QSOX1: variants seen among roughly 807,000 people sequenced by gnomAD.
QSOX1 encodes the protein sulfhydryl oxidase 1.
A neutral mutation model predicts 76.1 loss-of-function variants in QSOX1; 40 were observed. The observed-to-expected ratio is 0.53, with a 90% confidence interval of 0.41 to 0.68. The LOEUF (loss-of-function observed/expected upper bound fraction) is 0.68, where lower values mean the gene tolerates loss of function less well. Ranked by LOEUF, QSOX1 falls within the 30% of genes least tolerant of loss-of-function variation. The pLI is 0.00. For missense variants in QSOX1, 931 were observed against 974.3 expected (o/e 0.96, Z 0.59); for synonymous variants, 392 against 413.1 (o/e 0.95, Z 0.62).
In QSOX1 at chr1:180,197,544, C is replaced by T; in HGVS notation, c.*507C>T. On this transcript the variant is annotated 3_prime_UTR_variant, in exon 12 of 12. Transcript: ENST00000367602. ...CCTGGGAGGAAGGACCACCCCGGGC[C>T]CTCTATGCCTGGCCAGCCTCCAGCT... is the stretch of plus-strand genomic sequence containing the variant. 1.4e-6 allele frequency: 1 copy of T among 736,794 alleles called. No individual in the cohort carries two copies. The highest frequency in any genetic ancestry group is 2.8e-5 in the Admixed American group (1 of 35,104). 45.6% of individuals were successfully genotyped at this position (736,794 alleles called of 1,614,324 possible).
At chr1:180,168,024 C>T (rs1436110419) in intron 2 of QSOX1, among the ~76,000 whole-genome samples, 2 of 152,222 alleles carry the variant, frequency 1.3e-5, no homozygotes, top group African/African-American at 4.8e-5. Flanking sequence ...CACTGCCCAG[C>T]CCCCAGGGGA....
At chr1:180,185,902 C>A in intron 7 of QSOX1, 151 bp from the exon 8 acceptor site, 1 of 932,724 alleles carries the variant, frequency 1.1e-6, no homozygotes, top group Non-Finnish European at 1.7e-6. Context: ...TCACACAGCA[C>A]ATTTCTGGCA....
chr1:180,197,983 G>A lies in QSOX1; in HGVS notation c.*946G>A, dbSNP rs1477577450. On this transcript the variant is annotated 3_prime_UTR_variant, in exon 12 of 12. Coordinates refer to ENST00000367602, the MANE Select transcript of QSOX1 (RefSeq NM_002826.5). ...TGCCTTACACATGCTTGATTCCCAC[G>A]CTACCCCCTGCCTTGGGAGGTGTGT... The A allele has an allele frequency of 4.5e-5, 16 of 357,874 alleles. No homozygotes were observed. The Admixed American group carries it at 4.6e-4, about 10-fold the overall frequency. 22.2% of individuals were successfully genotyped at this position (357,874 alleles called of 1,614,324 possible). A position where few individuals can be genotyped will look rare whatever the true frequency, so the allele number is the denominator to read the frequency against.
chr1:180,185,429 C>T (rs2149239748), intron 7 of QSOX1, among the ~76,000 whole-genome samples: 1 of 152,324 alleles, frequency 6.6e-6, no homozygotes, highest in Admixed American at 6.5e-5. Context: ...GGGCCTGGGG[C>T]CAGCATGGAG....
At position 180,171,584 on chromosome 1, in the gene QSOX1, A is replaced by G. The variant is rs76821858; in HGVS notation, c.367-3737A>G. On this transcript the variant is annotated intron_variant, in intron 2 of 11. Transcript: ENST00000367602. ...CATTGGCTTTGGCAAGGGAGAAATG[A>G]TAGGTTTGTTCATTGATCCCTTTAT... 7.5e-4 allele frequency among the ~76,000 whole-genome samples: 114 copies of G among 152,324 alleles called. 2 individuals are homozygous for G. The East Asian group carries it at 0.017, about 22-fold the overall frequency.
intron 2 of QSOX1, among the ~76,000 whole-genome samples, chr1:180,171,604 C>T (rs1194840461): frequency 6.6e-6 from 1 of 152,200 alleles, no homozygotes; most frequent in Non-Finnish European, 1.5e-5. Context: ...TCATTGATCC[C>T]TTTATCCACT....
chr1:180,179,072 C>G (rs1377421679), intron 5 of QSOX1, among the ~76,000 whole-genome samples, 188 bp downstream of exon 5: 4 of 152,248 alleles, frequency 2.6e-5, no homozygotes, highest in Non-Finnish European at 5.9e-5. Context: ...CAAAACCTTG[C>G]TGTTTATTCT....
chr1:180,197,641 C>A lies in QSOX1; in HGVS notation c.*604C>A, dbSNP rs747301067. 1.1e-4 allele frequency: 52 copies of A among 465,640 alleles called. No homozygotes were observed. The Admixed American group carries it at 1.1e-3, about 10-fold the overall frequency. The allele number at this position is 465,640 out of a possible 1,614,324, so 28.8% of individuals were successfully genotyped here. A position where few individuals can be genotyped will look rare whatever the true frequency, so the allele number is the denominator to read the frequency against. ...GCTTCTGGAAGTCGTGCTGGTCTCC[C>A]AGGTGAGGCAAGCCATGGTTGCTGG... On this transcript the variant is annotated 3_prime_UTR_variant, in exon 12 of 12. Coordinates refer to ENST00000367602, the MANE Select transcript of QSOX1 (RefSeq NM_002826.5).
At chr1:180,167,604 A>C (rs1042907051) in intron 2 of QSOX1, among the ~76,000 whole-genome samples, 1 of 152,148 alleles carries the variant, frequency 6.6e-6, no homozygotes, top group African/African-American at 2.4e-5. Context: ...CTGTTCCTCG[A>C]GCCCAGTGCA....
At chr1:180,169,520 G>A (rs1008318138) in intron 2 of QSOX1, among the ~76,000 whole-genome samples, 6 of 152,238 alleles carry the variant, frequency 3.9e-5, no homozygotes, top group Admixed American at 1.3e-4. Flanking sequence ...GTAAACATGG[G>A]ATGATAACAT....
At chr1:180,178,451 C>T (rs1276175579) in intron 4 of QSOX1, among the ~76,000 whole-genome samples, 2 of 152,226 alleles carry the variant, frequency 1.3e-5, no homozygotes, top group Non-Finnish European at 1.5e-5. Context: ...TGGTCTCGAA[C>T]TCCAGACCTC....
rs377467168 is a variant in QSOX1 at position 180,195,022 on chromosome 1, G to A, written c.1468+630G>A. ...GGGGGGGGGAGACCAGGGCGGAGCC[G>A]AGGTTAAAGGAGCTGAATGGAGCAG... On this transcript the variant is annotated intron_variant, in intron 11 of 11. Coordinates refer to ENST00000367602, the MANE Select transcript of QSOX1 (RefSeq NM_002826.5). 1.2e-3 allele frequency among the ~76,000 whole-genome samples: 175 copies of A among 152,088 alleles called. 1 individual carries two copies. The South Asian group carries it at 0.026, about 23-fold the overall frequency.
chr1:180,178,708 C>T, intron 4 of QSOX1, 86 bp from the exon 5 acceptor site: 1 of 1,229,724 alleles, frequency 8.1e-7, no homozygotes, highest in East Asian at 2.3e-5. Context: ...ACCTGCAGCA[C>T]TGCATCACCA....
intron 3 of QSOX1, 42 bp downstream of exon 3, chr1:180,175,408 C>T (rs752471580): frequency 6.9e-6 from 11 of 1,593,868 alleles, no homozygotes; most frequent in Non-Finnish European, 9.5e-6. Flanking sequence ...ATCTTCCTCC[C>T]CCAACCTCCC....
At chr1:180,167,823 A>G (rs953849892) in intron 2 of QSOX1, among the ~76,000 whole-genome samples, 1 of 152,262 alleles carries the variant, frequency 6.6e-6, no homozygotes, top group Admixed American at 6.5e-5. Flanking sequence ...CCTTCCTGGC[A>G]GGGACATGGT....
intron 2 of QSOX1, among the ~76,000 whole-genome samples, chr1:180,174,756 A>AC (rs2149235256): frequency 6.6e-6 from 1 of 152,272 alleles, no homozygotes; most frequent in East Asian, 1.9e-4. Flanking sequence ...ACTGCTGCCC[A>AC]CAGGATCCAT....
Position 180,155,085 on chromosome 1 carries a change from G to T in QSOX1, c.178G>T (p.Ala60Ser). The T allele has an allele frequency of 6.6e-7, 1 of 1,521,784 alleles. No individual in the cohort carries two copies. The highest frequency in any genetic ancestry group is 8.8e-7 in the Non-Finnish European group (1 of 1,140,662). 94.3% of individuals were successfully genotyped at this position (1,521,784 alleles called of 1,614,324 possible). A position where few individuals can be genotyped will look rare whatever the true frequency, so the allele number is the denominator to read the frequency against. The change falls in exon 1 of 12, where the codon GCC becomes TCC. Residue 60 changes from alanine to serine, a missense_variant. Physicochemically the swap from Ala to Ser is moderately conservative, Grantham distance 99. Coordinates refer to ENST00000367602, the MANE Select transcript of QSOX1 (RefSeq NM_002826.5). ...VRGAVLGSRS[A>S]WAVEFFASWC... Reference sequence around the variant, plus strand: ...CGGCGCGGTGCTGGGCTCCCGCAGCGCCTGGGCCGTGGAGTTCTTCGCCTC... The same window carrying T: ...CGGCGCGGTGCTGGGCTCCCGCAGCTCCTGGGCCGTGGAGTTCTTCGCCTC...
At chr1:180,176,298 G>A (rs773296213) in intron 4 of QSOX1, among the ~76,000 whole-genome samples, 5 of 152,212 alleles carry the variant, frequency 3.3e-5, no homozygotes, top group East Asian at 1.9e-4. Flanking sequence ...ATCCCACCAG[G>A]TGGGAAGGAA....
Position 180,197,345 on chromosome 1 carries a change from C to T in QSOX1, c.*308C>T. 1 of 1,614,030 alleles carries T rather than the reference C, an allele frequency of 6.2e-7. No individual in the cohort carries two copies. Among genetic ancestry groups the T allele is most frequent in the Non-Finnish European group, 8.5e-7 (1 of 1,180,014 alleles). On this transcript the variant is annotated 3_prime_UTR_variant, in exon 12 of 12. Coordinates refer to ENST00000367602, the MANE Select transcript of QSOX1 (RefSeq NM_002826.5). ...TCCTGTTTTTCAGCTTATTTGAAGT[C>T]CTGCCTCATTCTCACTGGAGCCTCA...
Sources: gnomAD v4.1 joint callset for allele counts (sites outside exome capture counted in the v4.1 genomes callset) on GRCh38, gnomAD v4.1.1 for gene constraint, MANE v1.5 for transcripts, NCBI Gene and HGNC (gene_info 2026-07-23, HGNC 2026-07-21) for gene names.